GPHN: variants seen among roughly 807,000 people sequenced by gnomAD.
GPHN encodes gephyrin.
A neutral mutation model predicts 95.5 loss-of-function variants in GPHN; 17 were observed. That is an observed-to-expected ratio of 0.18 (90% confidence interval 0.12 to 0.27). The LOEUF is 0.27. Among genes scored for constraint, GPHN ranks in the 10% least tolerant of loss-of-function variants. The pLI, the probability that GPHN is intolerant of heterozygous loss-of-function variation, is 1.00. For missense variants in GPHN, 660 were observed against 978.1 expected (o/e 0.67, Z 4.34); for synonymous variants, 320 against 322.5 (o/e 0.99, Z 0.08).
At chr14:67,733,101 C>T in the GPHN span, among the ~76,000 whole-genome samples, 4 of 150,796 alleles carry the variant, frequency 2.7e-5, no homozygotes, top group Admixed American at 2.0e-4. Flanking sequence ...TGCACATGTA[C>T]CCTAAAACTT....
At chr14:66,904,349 A>G (rs939485665) in intron 5 of GPHN, among the ~76,000 whole-genome samples, 1 of 151,954 alleles carries the variant, frequency 6.6e-6, no homozygotes, top group African/African-American at 2.4e-5. Flanking sequence ...GGTCCATTTT[A>G]CAGTGTGCTG....
the GPHN span, chr14:67,334,930 T>G: frequency 6.6e-6 from 1 of 152,254 alleles, no homozygotes; most frequent in Admixed American, 6.5e-5. Flanking sequence ...CTCCAAGAGC[T>G]AAACTATTGG....
chr14:67,672,447 CT>C, the GPHN span, among the ~76,000 whole-genome samples: 13,173 of 116,692 alleles, frequency 0.11, 660 homozygotes, highest in Middle Eastern at 0.25. Flanking sequence ...CTTTTCTTTT[CT>C]TTTTTTTTTT....
chr14:66,942,855 G>A (rs187954300), intron 8 of GPHN, among the ~76,000 whole-genome samples: 1 of 152,152 alleles, frequency 6.6e-6, no homozygotes, highest in East Asian at 1.9e-4. Flanking sequence ...ATTTTGGGAA[G>A]CCTATTAAAT....
chr14:66,995,962 C>T (rs1305480510), intron 9 of GPHN, among the ~76,000 whole-genome samples: 2 of 126,060 alleles, frequency 1.6e-5, no homozygotes, highest in Admixed American at 7.7e-5. Flanking sequence ...TCATCTCCAT[C>T]ATGGATTTTT....
chr14:67,300,068 T>G, the GPHN span, among the ~76,000 whole-genome samples: 1 of 152,116 alleles, frequency 6.6e-6, no homozygotes, highest in Non-Finnish European at 1.5e-5. Flanking sequence ...ATTGTAAGAT[T>G]TTAGTTGAGT....
At chr14:67,325,664 A>C in the GPHN span, among the ~76,000 whole-genome samples, 1 of 152,190 alleles carries the variant, frequency 6.6e-6, no homozygotes, top group East Asian at 1.9e-4. Flanking sequence ...TAAGGACCAG[A>C]GTGTACTCCA....
the GPHN span, among the ~76,000 whole-genome samples, chr14:67,689,703 G>C: frequency 3.1e-4 from 47 of 152,204 alleles, no homozygotes; most frequent in Non-Finnish European, 5.0e-4. Context: ...CAGCACTCTG[G>C]GAGGCCAAGG....
rs999764137 is a variant in GPHN, at chr14:66,788,266, A to T, written c.201+11745A>T. Among the ~76,000 whole-genome samples, 11 of 152,328 alleles carry T rather than the reference A, an allele frequency of 7.2e-5. No individual in the cohort carries two copies. In the South Asian group the frequency reaches 2.1e-3, roughly 29 times the overall value. ...GGAAGTTGCAGTGAGCCAAAATGGC[A>T]CCACTGCACTCCAGTCTGGGCAACA... On this transcript the variant is annotated intron_variant, in intron 3 of 22. Transcript: ENST00000478722.
chr14:67,654,138 A>T, the GPHN span, among the ~76,000 whole-genome samples: 1 of 151,942 alleles, frequency 6.6e-6, no homozygotes, highest in African/African-American at 2.4e-5. Context: ...ACAGGGTCTC[A>T]CTCCGTCACT....
chr14:67,226,390 C>G, the GPHN span, among the ~76,000 whole-genome samples: 1 of 150,238 alleles, frequency 6.7e-6, no homozygotes, highest in Non-Finnish European at 1.5e-5. Flanking sequence ...GAGACGGAGT[C>G]TCGCTCTGTC....
At chr14:67,338,412 G>T in the GPHN span, 1 of 512,228 alleles carries the variant, frequency 2.0e-6, no homozygotes, top group Non-Finnish European at 3.4e-6. Flanking sequence ...AAGTTCCTGG[G>T]CAGGTTTTAC....
chr14:66,546,627 T>C, intron 1 of GPHN, among the ~76,000 whole-genome samples: 1 of 151,754 alleles, frequency 6.6e-6, no homozygotes, highest in Non-Finnish European at 1.5e-5. Flanking sequence ...CGAAAACCAG[T>C]CAGGCGTGGC....
chr14:67,469,497 G>C, the GPHN span, among the ~76,000 whole-genome samples: 776 of 141,796 alleles, frequency 5.5e-3, 2 homozygotes, highest in African/African-American at 0.019. Flanking sequence ...TGTTGCCCAG[G>C]CTGGTCTCAA....
intron 13 of GPHN, among the ~76,000 whole-genome samples, chr14:67,106,041 G>C (rs1286953753): frequency 6.6e-6 from 1 of 151,786 alleles, no homozygotes; most frequent in African/African-American, 2.4e-5. Context: ...TGTCTTTTTT[G>C]CTTCCAGATA....
the GPHN span, among the ~76,000 whole-genome samples, chr14:67,718,290 T>C: frequency 6.6e-6 from 1 of 152,170 alleles, no homozygotes; most frequent in East Asian, 1.9e-4. Flanking sequence ...ATTTGAAGAA[T>C]AGGGAAGAGG....
intron 6 of GPHN, among the ~76,000 whole-genome samples, chr14:66,918,854 C>G (rs1001967315): frequency 3.3e-5 from 5 of 152,040 alleles, no homozygotes; most frequent in African/African-American, 1.2e-4. Context: ...TTGAGCCATA[C>G]AAAGATAGGT....
chr14:66,864,700 C>T (rs558330726), intron 4 of GPHN, among the ~76,000 whole-genome samples: 6 of 151,886 alleles, frequency 4.0e-5, no homozygotes, highest in Admixed American at 3.3e-4. Context: ...TGAAACCCAG[C>T]GGGTGGAGAT....
At chr14:67,315,963 A>G in the GPHN span, among the ~76,000 whole-genome samples, 3 of 152,262 alleles carry the variant, frequency 2.0e-5, no homozygotes, top group Non-Finnish European at 4.4e-5. Flanking sequence ...TCTTATGTGT[A>G]TGGAAGTCAG....
Sources: gnomAD v4.1 joint callset for allele counts (sites outside exome capture counted in the v4.1 genomes callset) on GRCh38, gnomAD v4.1.1 for gene constraint, MANE v1.5 for transcripts, NCBI Gene and HGNC (gene_info 2026-07-23, HGNC 2026-07-21) for gene names.